The following LINGO2 variants were observed in gnomAD, a reference collection of about 807,000 sequenced individuals.
The protein encoded by LINGO2 is leucine rich repeat and Ig domain containing 2, also known as leucine-rich repeat and immunoglobulin-like domain-containing nogo receptor-interacting protein 2.
In LINGO2, 14 loss-of-function variants were observed where a neutral mutation model predicts 30.6. The observed-to-expected ratio is 0.46, with a 90% confidence interval of 0.30 to 0.72. The LOEUF (loss-of-function observed/expected upper bound fraction) is 0.72. Among genes scored for constraint, LINGO2 ranks in the 30% least tolerant of loss-of-function variants. The pLI, the probability that LINGO2 is intolerant of heterozygous loss-of-function variation, is 0.07. For synonymous variants in LINGO2, 317 were observed against 288.5 expected (o/e 1.10, Z -1.00); for missense variants, 729 against 751.7 (o/e 0.97, Z 0.35).
chr9:28,518,512 A>G (rs1277464440), intron 1 of LINGO2, among the ~76,000 whole-genome samples: 1 of 152,162 alleles, frequency 6.6e-6, no homozygotes, highest in African/African-American at 2.4e-5. Flanking sequence ...CTCTCGACTT[A>G]CCTTTTTCTT....
At chr9:29,012,322 C>A in the LINGO2 span, among the ~76,000 whole-genome samples, 1 of 151,792 alleles carries the variant, frequency 6.6e-6, no homozygotes, top group Non-Finnish European at 1.5e-5. Context: ...CACACCACTG[C>A]ACACCAGTCT....
the LINGO2 span, among the ~76,000 whole-genome samples, chr9:28,848,081 C>CTATATATAGTGTGTATAT: frequency 4.5e-5 from 2 of 44,288 alleles, no homozygotes; most frequent in African/African-American, 2.8e-4. Flanking sequence ...TATATATATA[C>CTATATATAGTGTGTATAT]ACACTATATA....
At chr9:27,952,411 C>T (rs1819359532) in intron 5 of LINGO2, among the ~76,000 whole-genome samples, 1 of 151,804 alleles carries the variant, frequency 6.6e-6, no homozygotes, top group Admixed American at 6.6e-5. Flanking sequence ...ATAGAACACA[C>T]ATTACAAAGA....
chr9:28,099,030 A>G (rs1234760131), intron 4 of LINGO2, among the ~76,000 whole-genome samples: 1 of 152,200 alleles, frequency 6.6e-6, no homozygotes, highest in Admixed American at 6.6e-5. Context: ...ACTTCAGGTC[A>G]CATTGATTCT....
chr9:29,046,909 T>C, the LINGO2 span, among the ~76,000 whole-genome samples: 2 of 77,202 alleles, frequency 2.6e-5, no homozygotes, highest in Non-Finnish European at 2.9e-5. Flanking sequence ...TGAAACCCCA[T>C]CTCTACTAAA....
intron 4 of LINGO2, among the ~76,000 whole-genome samples, chr9:28,127,591 G>A (rs1232104541): frequency 1.3e-5 from 2 of 152,146 alleles, no homozygotes; most frequent in South Asian, 2.1e-4. Flanking sequence ...CCATGGAATC[G>A]GACAAGGAAC....
the LINGO2 span, among the ~76,000 whole-genome samples, chr9:29,143,807 C>A: frequency 6.6e-6 from 1 of 152,122 alleles, no homozygotes; most frequent in Non-Finnish European, 1.5e-5. Context: ...GCTTTCATTG[C>A]AATTGCTTTT....
chr9:29,142,144 G>A, the LINGO2 span, among the ~76,000 whole-genome samples: 1 of 151,706 alleles, frequency 6.6e-6, no homozygotes, highest in Non-Finnish European at 1.5e-5. Flanking sequence ...CAGGATAAAT[G>A]ACATGTTAGG....
chr9:28,241,565 G>A (rs1438561984), intron 4 of LINGO2, among the ~76,000 whole-genome samples: 5 of 152,070 alleles, frequency 3.3e-5, no homozygotes, highest in Admixed American at 3.3e-4. Context: ...GAGGAATCTG[G>A]ACAGCCCAGA....
intron 1 of LINGO2, among the ~76,000 whole-genome samples, chr9:28,569,115 T>C (rs1257345343): frequency 6.6e-6 from 1 of 152,004 alleles, no homozygotes; most frequent in Non-Finnish European, 1.5e-5. Context: ...GAATGGCTAT[T>C]ATCAGAAAGA....
chr9:28,851,785 A>G, the LINGO2 span, among the ~76,000 whole-genome samples: 7,987 of 152,052 alleles, frequency 0.053, 701 homozygotes, highest in African/African-American at 0.18. Context: ...AGCCCTAGCC[A>G]TGCCTACTTC....
chr9:28,017,128 T>A (rs1822879205), intron 4 of LINGO2, among the ~76,000 whole-genome samples: 1 of 152,084 alleles, frequency 6.6e-6, no homozygotes, highest in Admixed American at 6.6e-5. Context: ...AGGCTTTTGA[T>A]AAAAGCCAAC....
the LINGO2 span, among the ~76,000 whole-genome samples, chr9:28,761,498 ACG>A: frequency 2.7e-5 from 4 of 150,350 alleles, no homozygotes; most frequent in Non-Finnish European, 5.9e-5. Flanking sequence ...ACACACACAC[ACG>A]CACACACACG....
At chr9:29,004,058 ACTGATTCCT>A in the LINGO2 span, among the ~76,000 whole-genome samples, 1 of 151,970 alleles carries the variant, frequency 6.6e-6, no homozygotes, top group Non-Finnish European at 1.5e-5. Flanking sequence ...AGCCCAGTTG[ACTGATTCCT>A]CTTCAAGTAC....
intron 4 of LINGO2, among the ~76,000 whole-genome samples, chr9:28,158,645 A>G (rs115813301): frequency 0.012 from 1,782 of 152,206 alleles, 33 homozygotes; most frequent in African/African-American, 0.041. Flanking sequence ...GGCTTGTGTT[A>G]TGATATCCCT....
chr9:28,159,450 T>A (rs1242443080), intron 4 of LINGO2, among the ~76,000 whole-genome samples: 1 of 152,162 alleles, frequency 6.6e-6, no homozygotes, highest in Non-Finnish European at 1.5e-5. Context: ...GTTTTTCAAT[T>A]TTCATTTTTC....
At chr9:28,316,770 T>C (rs1393303609) in intron 3 of LINGO2, among the ~76,000 whole-genome samples, 1 of 152,160 alleles carries the variant, frequency 6.6e-6, no homozygotes, top group Non-Finnish European at 1.5e-5. Flanking sequence ...GAGGGTTTAA[T>C]TTATGCCAAG....
intron 4 of LINGO2, among the ~76,000 whole-genome samples, chr9:28,020,571 C>CAAAACAAAACA (rs772117915): frequency 3.9e-4 from 40 of 102,370 alleles, no homozygotes; most frequent in South Asian, 7.3e-4. Flanking sequence ...CAAAACAAAA[C>CAAAACAAAACA]AAACAAAACA....
intron 5 of LINGO2, among the ~76,000 whole-genome samples, chr9:28,008,935 T>C (rs917446732): frequency 2.6e-5 from 4 of 152,064 alleles, no homozygotes; most frequent in African/African-American, 9.7e-5. Context: ...CATAAAGAAA[T>C]TATAAGGAAC....
Sources: gnomAD v4.1 joint callset for allele counts (sites outside exome capture counted in the v4.1 genomes callset) on GRCh38, gnomAD v4.1.1 for gene constraint, MANE v1.5 for transcripts, NCBI Gene and HGNC (gene_info 2026-07-23, HGNC 2026-07-21) for gene names.